Variants in SCTR observed in about 807,000 individuals in gnomAD.
The protein encoded by SCTR is pancreatic secretin receptor.
Under a neutral mutation model 60.8 loss-of-function variants are expected in SCTR, and 56 were observed. That is an observed-to-expected ratio of 0.92 (90% CI 0.74 to 1.15). SCTR has a LOEUF of 1.15. Ranked by LOEUF, SCTR falls within the 50% of genes most tolerant of loss-of-function variation. SCTR has a pLI of 0.00. For missense variants in SCTR, 562 were observed against 550.4 expected (o/e 1.02, Z -0.21); for synonymous variants, 202 against 217.0 (o/e 0.93, Z 0.61).
At chr2:119,456,065 T>A in intron 7 of SCTR, among the ~76,000 whole-genome samples, 1 of 147,360 alleles carries the variant, frequency 6.8e-6, no homozygotes, top group East Asian at 2.0e-4. Flanking sequence ...TTTCAACTTT[T>A]TTTTTTTTTT....
rs886814372 is a variant in SCTR at position 119,473,649 on chromosome 2, A to C, written c.302-93T>G. The C allele has an allele frequency of 1.5e-5, 12 of 808,624 alleles. No individual in the cohort carries two copies. The Admixed American group carries it at 2.3e-4, about 16-fold the overall frequency. 50.1% of individuals were successfully genotyped at this position (808,624 alleles called of 1,614,324 possible). A position where few individuals can be genotyped will look rare whatever the true frequency, so the allele number is the denominator to read the frequency against. ...ATTGTAACATGTAGCTGCTACAACC[A>C]CTCTATAGTGTGGAAACTGAGGCAC... On this transcript the variant is annotated intron_variant, in intron 3 of 12. Coordinates refer to ENST00000019103, the MANE Select transcript of SCTR (RefSeq NM_002980.3).
At chr2:119,471,573 A>C (rs1002027154) in intron 4 of SCTR, among the ~76,000 whole-genome samples, 1 of 152,210 alleles carries the variant, frequency 6.6e-6, no homozygotes, top group African/African-American at 2.4e-5. Context: ...CGCAAAATGC[A>C]GAAGACGGGG....
At chr2:119,450,906 G>T (rs57558159) in intron 9 of SCTR, among the ~76,000 whole-genome samples, 22,418 of 152,272 alleles carry the variant, frequency 0.15, 1,844 homozygotes, top group East Asian at 0.31. Flanking sequence ...AGGTTGCAGT[G>T]AGTCATGGGT....
At chr2:119,515,872 T>C (rs1317588484) in intron 1 of SCTR, among the ~76,000 whole-genome samples, 2 of 152,208 alleles carry the variant, frequency 1.3e-5, no homozygotes, top group Non-Finnish European at 1.5e-5. Context: ...TAACTATTCA[T>C]AGTATCTCTT....
intron 8 of SCTR, among the ~76,000 whole-genome samples, chr2:119,452,349 C>T (rs1683206306): frequency 6.6e-6 from 1 of 152,168 alleles, no homozygotes; most frequent in African/African-American, 2.4e-5. Context: ...TGTCAGAATT[C>T]ACCAGCGAGC....
intron 3 of SCTR, among the ~76,000 whole-genome samples, chr2:119,474,703 AAGG>A (rs1306864027): frequency 5.3e-5 from 8 of 152,234 alleles, no homozygotes; most frequent in Admixed American, 5.2e-4. Flanking sequence ...TGCCCCACTG[AAGG>A]AGGTGCTGCT....
At chr2:119,454,525 G>C (rs1683296574) in intron 7 of SCTR, among the ~76,000 whole-genome samples, 1 of 152,102 alleles carries the variant, frequency 6.6e-6, no homozygotes, top group Non-Finnish European at 1.5e-5. Context: ...GTGCAAGATA[G>C]ATACCATATT....
chr2:119,442,497 T>C (rs1405676092), intron 11 of SCTR, among the ~76,000 whole-genome samples: 1 of 152,208 alleles, frequency 6.6e-6, no homozygotes, highest in Non-Finnish European at 1.5e-5. Flanking sequence ...TGCCTGTAGC[T>C]ACTTATGATA....
intron 1 of SCTR, among the ~76,000 whole-genome samples, chr2:119,512,285 C>G (rs77326537): frequency 0.036 from 5,457 of 151,046 alleles, 229 homozygotes; most frequent in African/African-American, 0.09. Context: ...ATTTTGTCTT[C>G]GTGATCTTCT....
intron 1 of SCTR, among the ~76,000 whole-genome samples, chr2:119,522,854 C>T (rs1210726807): frequency 1.3e-5 from 2 of 152,202 alleles, no homozygotes; most frequent in African/African-American, 2.4e-5. Context: ...GGAGTCAAAA[C>T]TCATGAGTGC....
intron 4 of SCTR, 98 bp downstream of exon 4, chr2:119,473,355 G>A (rs1470881076): frequency 3.8e-6 from 3 of 788,488 alleles, no homozygotes; most frequent in Non-Finnish European, 6.5e-6. Flanking sequence ...TCCCAGGCCT[G>A]TGCCACCCTG....
rs1202727382 is a variant in SCTR at position 119,461,938 on chromosome 2, C to A, written c.699G>T (p.Leu233=). 6.2e-7 allele frequency: 1 copy of A among 1,613,984 alleles called. No homozygotes were observed. Among genetic ancestry groups the A allele is most frequent in the South Asian group, 1.1e-5 (1 of 91,038 alleles). Residue 233 remains leucine, a synonymous_variant, in exon 7 of 13, where the codon CTG becomes CTT. Transcript: ENST00000019103. The stretch of plus-strand genomic sequence containing the variant: ...TGTGAAGGTAGAGGCCTTCCACCAG[C>A]AGCCAGGAGTAGTTGGCCATGATGC... The part of the protein sequence containing the change: ...QYCIMANYSW[L]LVEGLYLHTL...
chr2:119,452,772 G>A (rs1184267344), intron 8 of SCTR, among the ~76,000 whole-genome samples: 3 of 152,006 alleles, frequency 2.0e-5, no homozygotes, highest in African/African-American at 7.2e-5. Flanking sequence ...CCGCTGCCTC[G>A]CTGCTGCCCT....
At chr2:119,494,617 GGC>G in intron 1 of SCTR, 69 bp from the exon 2 acceptor site, 1 of 1,549,906 alleles carries the variant, frequency 6.5e-7, no homozygotes, top group Non-Finnish European at 8.9e-7. Flanking sequence ...GGGAGAATGG[GGC>G]AAGACAATGC....
At chr2:119,461,673 T>G (rs1683607729) in intron 7 of SCTR, among the ~76,000 whole-genome samples, 174 bp downstream of exon 7, 1 of 143,492 alleles carries the variant, frequency 7.0e-6, no homozygotes, top group Non-Finnish European at 1.5e-5. Flanking sequence ...ATCATGCCAT[T>G]GCACTTCAGC....
chr2:119,483,013 T>C (rs1183570770), intron 2 of SCTR, among the ~76,000 whole-genome samples: 1 of 152,206 alleles, frequency 6.6e-6, no homozygotes, highest in Non-Finnish European at 1.5e-5. Context: ...GCCTTTTGCC[T>C]CACTTGTGGA....
At chr2:119,462,472 C>A (rs1235121185) in intron 6 of SCTR, among the ~76,000 whole-genome samples, 1 of 152,230 alleles carries the variant, frequency 6.6e-6, no homozygotes, top group Non-Finnish European at 1.5e-5. Context: ...TTAGGAGGTA[C>A]CACTGATTAT....
chr2:119,441,744 C>A, intron 11 of SCTR, 145 bp from the exon 12 acceptor site: 1 of 726,424 alleles, frequency 1.4e-6, no homozygotes, highest in East Asian at 2.8e-5. Flanking sequence ...GGGAATTAGG[C>A]TACCTCTTGT....
chr2:119,443,764 C>G (rs1682746333), intron 11 of SCTR, among the ~76,000 whole-genome samples: 1 of 152,182 alleles, frequency 6.6e-6, no homozygotes, highest in Non-Finnish European at 1.5e-5. Flanking sequence ...CCAGGCTGGT[C>G]TCGAACTCCT....
Sources: allele counts gnomAD v4.1 joint callset (sites outside exome capture counted in the v4.1 genomes callset), GRCh38; gene constraint gnomAD v4.1.1; transcripts MANE v1.5; gene names NCBI Gene and HGNC (gene_info 2026-07-23, HGNC 2026-07-21).